The following POU2F1 variants were observed in gnomAD, a reference collection of about 807,000 sequenced individuals.
POU2F1 encodes the protein POU domain, class 2, transcription factor 1.
POU2F1 carries 16 observed loss-of-function variants against 84.9 expected under a neutral mutation model. That is an observed-to-expected ratio of 0.19 (90% confidence interval 0.13 to 0.29). The LOEUF (loss-of-function observed/expected upper bound fraction) is 0.29, where lower values mean the gene tolerates loss of function less well. Among genes scored for constraint, POU2F1 ranks in the 10% least tolerant of loss-of-function variants. The pLI is 1.00. For synonymous variants in POU2F1, 368 were observed against 368.3 expected (o/e 1.00, Z 0.01); for missense variants, 738 against 942.6 (o/e 0.78, Z 2.84).
At chr1:167,266,571 CTG>C (rs1178462967) in intron 1 of POU2F1, among the ~76,000 whole-genome samples, 1 of 151,318 alleles carries the variant, frequency 6.6e-6, no homozygotes, top group East Asian at 1.9e-4. Context: ...GAAACAGCCA[CTG>C]TCACATAATA....
intron 1 of POU2F1, among the ~76,000 whole-genome samples, chr1:167,256,692 A>G (rs1301302837): frequency 1.3e-5 from 2 of 152,100 alleles, no homozygotes; most frequent in Non-Finnish European, 2.9e-5. Flanking sequence ...TAGTCTTTGG[A>G]TGTGTTGCCT....
At chr1:167,362,738 T>C (rs1425738787) in intron 2 of POU2F1, among the ~76,000 whole-genome samples, 1 of 152,128 alleles carries the variant, frequency 6.6e-6, no homozygotes, top group African/African-American at 2.4e-5. Flanking sequence ...AGTTTAGGAT[T>C]GGCTAATTTG....
At chr1:167,296,026 CTTTTT>C (rs34536599) in intron 1 of POU2F1, among the ~76,000 whole-genome samples, 1 of 146,742 alleles carries the variant, frequency 6.8e-6, no homozygotes, top group Non-Finnish European at 1.5e-5. Flanking sequence ...AAGTAGAAAA[CTTTTT>C]TTTTTTTAGT....
intron 8 of POU2F1, among the ~76,000 whole-genome samples, chr1:167,385,586 C>T (rs557904701): frequency 6.6e-6 from 1 of 152,032 alleles, no homozygotes; most frequent in South Asian, 2.1e-4. Flanking sequence ...TCAAAAAATG[C>T]AGCTGAAACA....
intron 3 of POU2F1, among the ~76,000 whole-genome samples, chr1:167,368,971 T>C (rs1235772292): frequency 6.6e-6 from 1 of 152,196 alleles, no homozygotes; most frequent in Non-Finnish European, 1.5e-5. Flanking sequence ...TGACTCTCTT[T>C]TTTTAATCTA....
rs1650487143 is a variant in POU2F1 at position 167,419,079 on chromosome 1, A to G, written c.*3269A>G. On this transcript the variant is annotated 3_prime_UTR_variant, in exon 16 of 16. Transcript: ENST00000367866. ...GATATTCTACTTATCGTATTGCTTCATGAACACCTTAGTCATTTTTTACTT... is the reference window on the plus strand; with the variant it reads ...GATATTCTACTTATCGTATTGCTTCGTGAACACCTTAGTCATTTTTTACTT... 1 of 152,200 alleles carries G rather than the reference A, an allele frequency of 6.6e-6. No individual in the cohort carries two copies. 9.4% of individuals were successfully genotyped at this position (152,200 alleles called of 1,614,324 possible).
chr1:167,284,451 G>A (rs1022218325), intron 1 of POU2F1, among the ~76,000 whole-genome samples: 3 of 152,200 alleles, frequency 2.0e-5, no homozygotes, highest in East Asian at 1.9e-4. Flanking sequence ...AACTTAAGCT[G>A]TGTATTGCAC....
intron 1 of POU2F1, among the ~76,000 whole-genome samples, chr1:167,227,038 G>T (rs1648683122): frequency 6.6e-6 from 1 of 151,954 alleles, no homozygotes; most frequent in Non-Finnish European, 1.5e-5. Flanking sequence ...GTCCTACTGT[G>T]GCCTCCCCAA....
chr1:167,370,266 A>T (rs563815964), intron 4 of POU2F1, 52 bp downstream of exon 4: 1 of 1,477,484 alleles, frequency 6.8e-7, no homozygotes, highest in East Asian at 2.3e-5. Context: ...TTTTTCTTAT[A>T]TTTTTCTGTA....
intron 4 of POU2F1, 147 bp downstream of exon 4, chr1:167,370,361 A>C: frequency 1.5e-5 from 10 of 661,196 alleles, no homozygotes; most frequent in Non-Finnish European, 2.1e-5. Context: ...AAATAATGAT[A>C]ATTATTACCA....
chr1:167,399,123 G>A, intron 11 of POU2F1, 63 bp from the exon 12 acceptor site: 1 of 1,478,498 alleles, frequency 6.8e-7, no homozygotes, highest in Non-Finnish European at 9.1e-7. Context: ...ACGTGATTAT[G>A]CCAGTAGTTC....
chr1:167,242,696 C>G (rs890819802), intron 1 of POU2F1, among the ~76,000 whole-genome samples: 1 of 152,098 alleles, frequency 6.6e-6, no homozygotes, highest in African/African-American at 2.4e-5. Context: ...GTGAAACTTT[C>G]CATATTGTGA....
chr1:167,405,271 TAAC>T (rs1407329031), intron 13 of POU2F1, among the ~76,000 whole-genome samples: 1 of 151,822 alleles, frequency 6.6e-6, no homozygotes, highest in Non-Finnish European at 1.5e-5. Context: ...ATAGCCACCT[TAAC>T]AACAAAGGCC....
chr1:167,224,178 TC>T (rs1474832081), intron 1 of POU2F1, among the ~76,000 whole-genome samples: 2 of 152,218 alleles, frequency 1.3e-5, no homozygotes, highest in Non-Finnish European at 2.9e-5. Flanking sequence ...AAAATTCATT[TC>T]CTCAAAATTC....
chr1:167,256,360 T>G (rs1338364931), intron 1 of POU2F1, among the ~76,000 whole-genome samples: 15 of 151,618 alleles, frequency 9.9e-5, no homozygotes. Context: ...GACAATAAAT[T>G]TCTTCTTTTT....
chr1:167,353,026 A>G (rs1424627639), intron 2 of POU2F1, among the ~76,000 whole-genome samples: 5 of 152,202 alleles, frequency 3.3e-5, no homozygotes, highest in South Asian at 2.1e-4. Context: ...ACCTTTGCCT[A>G]TTTGATCCTT....
In POU2F1 at chr1:167,385,972, T is replaced by C. The variant is rs73024297; in HGVS notation, c.813+2021T>C. ...TGGAGATACGTCACCAAAGATGATA[T>C]GTAAATGTCCAGCAGGCATATGAAA... On this transcript the variant is annotated intron_variant, in intron 8 of 15. Coordinates refer to ENST00000367866, the MANE Select transcript of POU2F1 (RefSeq NM_002697.4). Among the ~76,000 whole-genome samples, 799 of 152,194 alleles carry C rather than the reference T, an allele frequency of 5.2e-3. 10 individuals are homozygous for C. The highest frequency in any genetic ancestry group is 0.018 in the African/African-American group (735 of 41,524).
At chr1:167,282,462 A>G (rs923142862) in intron 1 of POU2F1, among the ~76,000 whole-genome samples, 2 of 152,176 alleles carry the variant, frequency 1.3e-5, no homozygotes, top group African/African-American at 2.4e-5. Context: ...TTAAATTTCT[A>G]TTACATCCCT....
chr1:167,308,488 C>G (rs957799934), intron 1 of POU2F1, among the ~76,000 whole-genome samples: 3 of 152,084 alleles, frequency 2.0e-5, no homozygotes, highest in African/African-American at 7.2e-5. Flanking sequence ...TGTAAATTTT[C>G]ATCACCAAGT....
Sources: allele counts gnomAD v4.1 joint callset (sites outside exome capture counted in the v4.1 genomes callset), GRCh38; gene constraint gnomAD v4.1.1; transcripts MANE v1.5; gene names NCBI Gene and HGNC (gene_info 2026-07-23, HGNC 2026-07-21).